The following PPM1B variants were observed in gnomAD, a reference collection of about 807,000 sequenced individuals.
PPM1B encodes protein phosphatase, Mg2+/Mn2+ dependent 1B, also known as protein phosphatase 1B.
A neutral mutation model predicts 43.0 loss-of-function variants in PPM1B; 22 were observed. The observed-to-expected ratio is 0.51, with a 90% confidence interval of 0.37 to 0.73. PPM1B has a LOEUF of 0.73. Ranked by LOEUF, PPM1B falls within the 30% of genes least tolerant of loss-of-function variation. PPM1B has a pLI of 0.00. For missense variants in PPM1B, 632 were observed against 584.2 expected, an observed-to-expected ratio of 1.08 and a Z score of -0.84; for synonymous variants, 217 against 197.9, an observed-to-expected ratio of 1.10 and a Z score of -0.81.
At chr2:44,236,402 CAAAAAAAAA>C (rs61414038), downstream of PPM1B, among the ~76,000 whole-genome samples, 61 of 47,532 alleles carry the variant, frequency 1.3e-3, 1 homozygote, top group South Asian at 0.023. Context: ...GACTCCGTCT[CAAAAAAAAA>C]AAAAAAAAAA....
At chr2:44,217,896 C>A in intron 3 of PPM1B, 71 bp from the exon 4 acceptor site, 1 of 883,782 alleles carries the variant, frequency 1.1e-6, no homozygotes, top group Non-Finnish European at 1.7e-6. Context: ...CAAATAGTAT[C>A]TCTTGTTTCA....
chr2:44,223,244 C>G (rs938011215), intron 5 of PPM1B, among the ~76,000 whole-genome samples: 1 of 152,066 alleles, frequency 6.6e-6, no homozygotes, highest in South Asian at 2.1e-4. Context: ...TTATCTTAAT[C>G]CAAAAACGGT....
At chr2:44,238,091 T>TG (rs1295226906), downstream of PPM1B, among the ~76,000 whole-genome samples, 4 of 151,852 alleles carry the variant, frequency 2.6e-5, no homozygotes, top group East Asian at 3.9e-4. Context: ...TTAGTAGAGA[T>TG]GGAGTTTCAC....
At chr2:44,241,821 C>G (rs116341020) in intron 5 of PPM1B, among the ~76,000 whole-genome samples, 1,877 of 148,712 alleles carry the variant, frequency 0.013, 44 homozygotes, top group African/African-American at 0.044. Flanking sequence ...AAAGATCTGT[C>G]CTAAAAACCT....
chr2:44,202,502 G>C (rs1668987916), intron 2 of PPM1B, among the ~76,000 whole-genome samples: 1 of 152,142 alleles, frequency 6.6e-6, no homozygotes, highest in East Asian at 1.9e-4. Context: ...TAGCAGTGAA[G>C]ACAAAAACTG....
chr2:44,239,850 CCAT>C (rs1219975383), intron 5 of PPM1B, among the ~76,000 whole-genome samples: 2 of 151,778 alleles, frequency 1.3e-5, no homozygotes, highest in Non-Finnish European at 2.9e-5. Context: ...TATGTGTGGT[CCAT>C]TTCTAGTTTC....
chr2:44,239,856 C>G (rs1670707245), intron 5 of PPM1B, among the ~76,000 whole-genome samples: 1 of 151,288 alleles, frequency 6.6e-6, no homozygotes, highest in Non-Finnish European at 1.5e-5. Context: ...TGGTCCATTT[C>G]TAGTTTCTTC....
Position 44,201,079 on chromosome 2 carries a change from A to G in PPM1B, c.-14-107A>G, listed in dbSNP as rs548754641. ...GTTGTTGCTCCCGTAAATTAGGATA[A>G]TACTAAAAAAAATACTTGAGGTAGG... On this transcript the variant is annotated intron_variant, in intron 1 of 5. Transcript: ENST00000282412. This position sits in a 1 kb window ranked among gnomAD's most constrained non-coding sequence, Gnocchi z 5.4. 5.5e-4 allele frequency: 649 copies of G among 1,190,736 alleles called. 4 individuals carry two copies. The highest frequency in any genetic ancestry group is 1.3e-3 in the South Asian group (74 of 58,404). 73.8% of individuals were successfully genotyped at this position (1,190,736 alleles called of 1,614,324 possible).
At chr2:44,245,964 C>G (rs977735919), downstream of PPM1B, among the ~76,000 whole-genome samples, 8 of 152,182 alleles carry the variant, frequency 5.3e-5, no homozygotes, top group East Asian at 1.2e-3. Flanking sequence ...TAGATTCTGA[C>G]CTTTTTGATT....
chr2:44,187,938 G>A (rs973314133), intron 1 of PPM1B, among the ~76,000 whole-genome samples: 5 of 152,090 alleles, frequency 3.3e-5, no homozygotes, highest in African/African-American at 1.2e-4. Context: ...TTTTATTAGA[G>A]ACGGGGTTTC....
chr2:44,181,122 G>T (rs1038616831), intron 1 of PPM1B, among the ~76,000 whole-genome samples: 57 of 152,054 alleles, frequency 3.7e-4, no homozygotes, highest in African/African-American at 1.2e-3. Context: ...TTTTTAAATT[G>T]TTTGTATAGA....
intron 1 of PPM1B, among the ~76,000 whole-genome samples, chr2:44,183,896 C>G (rs10206030): frequency 0.61 from 92,834 of 151,980 alleles, 28,538 homozygotes; most frequent in Admixed American, 0.68. Context: ...CCGCCACCGT[C>G]CCTGGCTAAT....
chr2:44,236,401 T>TAAA (rs1670612464), downstream of PPM1B, among the ~76,000 whole-genome samples: 1 of 10,238 alleles, frequency 9.8e-5, no homozygotes, highest in Non-Finnish European at 2.0e-4. Context: ...AGACTCCGTC[T>TAAA]CAAAAAAAAA....
intron 2 of PPM1B, among the ~76,000 whole-genome samples, chr2:44,202,707 CAT>C (rs772543301): frequency 3.3e-5 from 5 of 152,076 alleles, no homozygotes; most frequent in African/African-American, 9.7e-5. Flanking sequence ...TTCTATAAAA[CAT>C]AATCTTGTGA....
At chr2:44,243,427 C>A (rs954453181) in intron 5 of PPM1B, among the ~76,000 whole-genome samples, 1 of 152,184 alleles carries the variant, frequency 6.6e-6, no homozygotes, top group African/African-American at 2.4e-5. Context: ...TTAACAGTTT[C>A]ATCAACCTTC....
intron 1 of PPM1B, among the ~76,000 whole-genome samples, chr2:44,173,970 A>G (rs1361538724): frequency 1.3e-4 from 20 of 152,226 alleles, no homozygotes; most frequent in Admixed American, 1.3e-3. Context: ...ACTCTTTGTA[A>G]TAACTTGTTT....
rs901199134 is a variant in PPM1B, at chr2:44,244,268, G to A, written n.1587G>A. 2.9e-6 allele frequency: 4 copies of A among 1,360,130 alleles called. No homozygotes were observed. The African/African-American group carries it at 5.9e-5, about 20-fold the overall frequency. The allele number at this position is 1,360,130 out of a possible 1,614,324, so 84.3% of individuals were successfully genotyped here. A position where few individuals can be genotyped will look rare whatever the true frequency, so the allele number is the denominator to read the frequency against. On this transcript the variant is annotated non_coding_transcript_exon_variant, in exon 6 of 6. Transcript: ENST00000378540. The stretch of plus-strand genomic sequence containing the variant: ...ACGTCCATCTGTAAACCTGCTGAGA[G>A]CTCTGGTGACAAGAAAGGCAGTGGC...
At chr2:44,219,875 G>T (rs1338730193) in intron 5 of PPM1B, among the ~76,000 whole-genome samples, 1 of 151,794 alleles carries the variant, frequency 6.6e-6, no homozygotes, top group Non-Finnish European at 1.5e-5. Context: ...CCCGGGAGGC[G>T]GAGGTTGTGG....
intron 1 of PPM1B, among the ~76,000 whole-genome samples, chr2:44,171,013 T>C (rs1460479404): frequency 6.6e-6 from 1 of 152,222 alleles, no homozygotes; most frequent in African/African-American, 2.4e-5. Flanking sequence ...TCATGAAGTC[T>C]TACAACAGTT....
Sources: gnomAD v4.1 joint callset for allele counts (sites outside exome capture counted in the v4.1 genomes callset) on GRCh38, gnomAD v4.1.1 for gene constraint, Gnocchi (gnomAD v3.1) non-coding constraint, MANE v1.5 for transcripts, NCBI Gene and HGNC (gene_info 2026-07-23, HGNC 2026-07-21) for gene names.